RNF220: variants seen among roughly 807,000 people sequenced by gnomAD.
RNF220 encodes ring finger protein 220.
RNF220 carries 7 observed loss-of-function variants against 67.1 expected under a neutral mutation model. That is an observed-to-expected ratio of 0.10 (90% CI 0.06 to 0.20). The LOEUF (loss-of-function observed/expected upper bound fraction) is 0.20. RNF220 is among the 10% of genes least tolerant of loss of function. The pLI is 1.00. For missense variants in RNF220, 565 were observed against 740.3 expected (o/e 0.76, Z 2.75); for synonymous variants, 270 against 283.2 (o/e 0.95, Z 0.47).
At chr1:44,492,669 G>A (rs1043932569) in intron 2 of RNF220, among the ~76,000 whole-genome samples, 3 of 152,094 alleles carry the variant, frequency 2.0e-5, no homozygotes, top group Non-Finnish European at 4.4e-5. Context: ...GATACAAAAG[G>A]CCATGTATTA....
chr1:44,538,613 C>T (rs1661423603), intron 2 of RNF220, among the ~76,000 whole-genome samples: 1 of 152,134 alleles, frequency 6.6e-6, no homozygotes, highest in South Asian at 2.1e-4. Flanking sequence ...AAATCATTGC[C>T]CTCTTAAAAA....
chr1:44,491,306 C>T (rs530700426), intron 2 of RNF220, among the ~76,000 whole-genome samples: 1 of 152,114 alleles, frequency 6.6e-6, no homozygotes, highest in Non-Finnish European at 1.5e-5. Context: ...AGACAAATAA[C>T]TCTTATGAAC....
intron 2 of RNF220, among the ~76,000 whole-genome samples, chr1:44,443,824 C>T (rs1339070117): frequency 6.6e-6 from 1 of 152,218 alleles, no homozygotes; most frequent in Non-Finnish European, 1.5e-5. Context: ...GGCACGGTGG[C>T]TCACACCTGT....
chr1:44,563,011 T>C (rs945740102), intron 2 of RNF220, among the ~76,000 whole-genome samples: 1 of 152,206 alleles, frequency 6.6e-6, no homozygotes, highest in African/African-American at 2.4e-5. Context: ...GACACTACCC[T>C]GTAACCAAAA....
rs139080172 is a variant in RNF220, at chr1:44,628,629, A to G, written c.906+2231A>G. Reference sequence around the variant, plus strand: ...GCCTTCTGTGATATAGATTCAACCTATATTTCCAGCTTCCATTCCAAATAC... The same window carrying G: ...GCCTTCTGTGATATAGATTCAACCTGTATTTCCAGCTTCCATTCCAAATAC... On this transcript the variant is annotated intron_variant, in intron 5 of 14. Coordinates refer to ENST00000361799, the MANE Select transcript of RNF220 (RefSeq NM_018150.4). 1.7e-3 allele frequency among the ~76,000 whole-genome samples: 263 copies of G among 152,372 alleles called. 2 individuals are homozygous for G. The highest frequency in any genetic ancestry group is 6.8e-3 in the Middle Eastern group (2 of 294).
chr1:44,566,771 G>A (rs76680219), intron 2 of RNF220, among the ~76,000 whole-genome samples: 11,315 of 152,224 alleles, frequency 0.074, 530 homozygotes, highest in Middle Eastern at 0.16. Flanking sequence ...AAGACCTCTG[G>A]AGGCTGGGAC....
intron 2 of RNF220, among the ~76,000 whole-genome samples, chr1:44,561,205 T>C (rs1663541026): frequency 6.6e-6 from 1 of 152,174 alleles, no homozygotes; most frequent in African/African-American, 2.4e-5. Flanking sequence ...ATGTGTGAAC[T>C]GAGTCTTTAA....
In RNF220 at chr1:44,412,130, G is replaced by T. The variant is rs535020972; in HGVS notation, c.33G>T (p.Glu11Asp). Residue 11 changes from glutamate (E) to aspartate (D), a missense_variant, in exon 2 of 15, where the codon GAG becomes GAT. Physicochemically the swap from Glu to Asp is conservative, Grantham distance 45. Coordinates refer to ENST00000361799, the MANE Select transcript of RNF220 (RefSeq NM_018150.4). This position sits in a 1 kb window ranked among gnomAD's most constrained non-coding sequence, Gnocchi z 5.3. MDLHRAAFKM[E>D]NSSYLPNPLA... is the part of the protein sequence containing the mutation. Reference sequence around the variant, plus strand: ...TACACCGGGCAGCCTTCAAGATGGAGAACTCATCCTACCTTCCCAACCCTC... The same window carrying T: ...TACACCGGGCAGCCTTCAAGATGGATAACTCATCCTACCTTCCCAACCCTC... The T allele has an allele frequency of 8.1e-6, 13 of 1,613,644 alleles. No individual in the cohort carries two copies. In the South Asian group the frequency reaches 1.3e-4, roughly 16 times the overall value.
At chr1:44,409,436 C>T (rs140863193) in intron 1 of RNF220, among the ~76,000 whole-genome samples, 7 of 152,298 alleles carry the variant, frequency 4.6e-5, no homozygotes, top group Non-Finnish European at 7.4e-5. Flanking sequence ...GGTTGCTTTT[C>T]GATTTCTGTC....
intron 2 of RNF220, among the ~76,000 whole-genome samples, chr1:44,539,994 T>C (rs1472200239): frequency 6.6e-6 from 1 of 152,220 alleles, no homozygotes; most frequent in Non-Finnish European, 1.5e-5. Flanking sequence ...CCAGCTCTCT[T>C]TGAGGGCCTT....
chr1:44,532,867 G>T (rs1660935935), intron 2 of RNF220, among the ~76,000 whole-genome samples: 1 of 152,212 alleles, frequency 6.6e-6, no homozygotes, highest in African/African-American at 2.4e-5. Context: ...TCTGCTGAAT[G>T]GTCCTGCCCC....
rs571222850 is a variant in RNF220, at chr1:44,543,219, C to T, written c.626-70946C>T. ...TCCCCGTCAGACCCCCCACCTTCGCCGGCTACCCCCTCCCCCTTCCCTCCG... is the reference window on the plus strand; with the variant it reads ...TCCCCGTCAGACCCCCCACCTTCGCTGGCTACCCCCTCCCCCTTCCCTCCG... On this transcript the variant is annotated intron_variant, in intron 2 of 14. Transcript: ENST00000361799. Among the ~76,000 whole-genome samples the T allele has an allele frequency of 7.4e-3, 1,125 of 152,262 alleles. 8 individuals are homozygous for T. The highest frequency in any genetic ancestry group is 0.012 in the Non-Finnish European group (787 of 68,024).
intron 8 of RNF220, 107 bp downstream of exon 8, chr1:44,636,269 G>T: frequency 7.0e-7 from 1 of 1,430,506 alleles, no homozygotes; most frequent in East Asian, 2.3e-5. Flanking sequence ...TCATCCATCC[G>T]TTCCACCACG....
chr1:44,405,377 A>ACTGCTG lies in RNF220; in HGVS notation c.-257_-252dup, dbSNP rs111665631. 63,424 of 611,052 alleles carry ACTGCTG rather than the reference A, an allele frequency of 0.1. 2,977 individuals carry two copies. Among genetic ancestry groups the ACTGCTG allele is most frequent in the Non-Finnish European group, 0.13 (45,325 of 339,872 alleles). 37.9% of individuals were successfully genotyped at this position (611,052 alleles called of 1,614,324 possible). ...AACACAAACCCGGGGCCAGCCGCCT[A>ACTGCTG]CTGCTGCTGCTGCTGCTGCCGCTGC... On this transcript the variant is annotated 5_prime_UTR_variant, in exon 1 of 15. Coordinates refer to ENST00000361799, the MANE Select transcript of RNF220 (RefSeq NM_018150.4).
rs750289840 is a variant in RNF220, at chr1:44,645,118, G to GA, written c.1310+40dup. On this transcript the variant is annotated intron_variant, in intron 10 of 14. Transcript: ENST00000361799. The surrounding 1 kb of genome is among the most constrained non-coding windows in gnomAD (Gnocchi z 5.0). The stretch of plus-strand genomic sequence containing the variant: ...CACAGGCTTGGGCGGGTGGAGCAGA[G>GA]AAACAGGAAGCCCTGAGGCAGGGGT... 1 of 1,613,506 alleles carries GA rather than the reference G, an allele frequency of 6.2e-7. No homozygotes were observed. The highest frequency in any genetic ancestry group is 1.1e-5 in the South Asian group (1 of 91,058).
intron 2 of RNF220, among the ~76,000 whole-genome samples, chr1:44,425,769 C>T (rs949571444): frequency 2.6e-5 from 4 of 152,106 alleles, no homozygotes; most frequent in African/African-American, 4.8e-5. Flanking sequence ...TAAAAGTAAC[C>T]GTATAAATGC....
intron 2 of RNF220, among the ~76,000 whole-genome samples, chr1:44,468,687 G>A (rs1024217514): frequency 6.6e-6 from 1 of 152,284 alleles, no homozygotes; most frequent in East Asian, 1.9e-4. Flanking sequence ...GCTGAGGCAG[G>A]TGGATTGCTT....
At chr1:44,515,927 C>G (rs1659418476) in intron 2 of RNF220, among the ~76,000 whole-genome samples, 1 of 152,212 alleles carries the variant, frequency 6.6e-6, no homozygotes, top group Non-Finnish European at 1.5e-5. Context: ...AAATAAATGA[C>G]TTGGCTTCAG....
chr1:44,519,449 A>G (rs1659731422), intron 2 of RNF220, among the ~76,000 whole-genome samples: 1 of 152,206 alleles, frequency 6.6e-6, no homozygotes, highest in African/African-American at 2.4e-5. Flanking sequence ...AGGCTGCAAG[A>G]CTTCCTGGGG....
Sources: gnomAD v4.1 joint callset for allele counts (sites outside exome capture counted in the v4.1 genomes callset) on GRCh38, gnomAD v4.1.1 for gene constraint, Gnocchi (gnomAD v3.1) non-coding constraint, MANE v1.5 for transcripts, NCBI Gene and HGNC (gene_info 2026-07-23, HGNC 2026-07-21) for gene names.